The following LONP2 variants were observed in gnomAD, a reference collection of about 807,000 sequenced individuals.
LONP2 encodes lon peptidase 2, peroxisomal.
Under a neutral mutation model 85.6 loss-of-function variants are expected in LONP2, and 60 were observed. The observed-to-expected ratio is 0.70, with a 90% CI of 0.57 to 0.87. The LOEUF is 0.87. Ranked by LOEUF, LONP2 falls within the 40% of genes least tolerant of loss-of-function variation. The pLI, the probability that LONP2 is intolerant of heterozygous loss-of-function variation, is 0.00. For synonymous variants in LONP2, 395 were observed against 389.7 expected, an observed-to-expected ratio of 1.01 and a Z score of -0.16; for missense variants, 860 against 1,063.5, an observed-to-expected ratio of 0.81 and a Z score of 2.66.
chr16:48,287,924 C>G (rs897959655), intron 8 of LONP2, among the ~76,000 whole-genome samples: 2 of 152,072 alleles, frequency 1.3e-5, no homozygotes, highest in Non-Finnish European at 2.9e-5. Context: ...AGTGCTTCCT[C>G]CCCCATTTCA....
At chr16:48,331,808 C>T (rs1266629414) in intron 11 of LONP2, among the ~76,000 whole-genome samples, 4 of 152,226 alleles carry the variant, frequency 2.6e-5, no homozygotes, top group South Asian at 2.1e-4. Context: ...TCGTGATCCA[C>T]GCGCCTCGGC....
At chr16:48,357,657 C>A (rs1056207533), downstream of LONP2, among the ~76,000 whole-genome samples, 3 of 152,172 alleles carry the variant, frequency 2.0e-5, no homozygotes, top group Non-Finnish European at 4.4e-5. Flanking sequence ...CTTACCAATT[C>A]TTCTAATCAG....
At chr16:48,347,756 C>T (rs749887204) in intron 13 of LONP2, 42 bp downstream of exon 13, 12 of 1,561,028 alleles carry the variant, frequency 7.7e-6, no homozygotes, top group African/African-American at 2.7e-5. Context: ...ACCCAGGAGG[C>T]GGTACCTTCC....
chr16:48,329,136 C>T (rs917388470), intron 11 of LONP2, among the ~76,000 whole-genome samples: 2 of 152,170 alleles, frequency 1.3e-5, no homozygotes, highest in African/African-American at 4.8e-5. Flanking sequence ...TCATTTCATT[C>T]ATATGATAAA....
intron 12 of LONP2, chr16:48,334,759 G>T: frequency 1.8e-6 from 1 of 553,178 alleles, no homozygotes; most frequent in South Asian, 1.4e-5. Context: ...TGCCCTACCT[G>T]TCTTGAATTT....
intron 10 of LONP2, among the ~76,000 whole-genome samples, chr16:48,300,493 A>G (rs1972780883): frequency 6.6e-6 from 1 of 152,244 alleles, no homozygotes; most frequent in South Asian, 2.1e-4. Context: ...GCTCAGTATT[A>G]CAGATCCATT....
intron 11 of LONP2, among the ~76,000 whole-genome samples, chr16:48,324,295 C>A (rs921223239): frequency 6.6e-6 from 1 of 152,160 alleles, no homozygotes; most frequent in Non-Finnish European, 1.5e-5. Context: ...ATAACCACAA[C>A]CATATGTGTC....
chr16:48,262,904 C>T, intron 6 of LONP2, 32 bp downstream of exon 6: 1 of 1,322,702 alleles, frequency 7.6e-7, no homozygotes, highest in Non-Finnish European at 1.1e-6. Flanking sequence ...GTTTTGCAGT[C>T]TAATTGTCAC....
At chr16:48,343,669 G>T (rs555507948) in intron 12 of LONP2, 23 of 152,132 alleles carry the variant, frequency 1.5e-4, no homozygotes, top group African/African-American at 5.5e-4. Flanking sequence ...TTGCACTCCA[G>T]CCTGGGTGAC....
chr16:48,290,677 T>G (rs1017071456), intron 8 of LONP2, among the ~76,000 whole-genome samples: 3 of 152,212 alleles, frequency 2.0e-5, no homozygotes, highest in Non-Finnish European at 2.9e-5. Context: ...CCCAGTGAAG[T>G]CAGGGTCCAC....
chr16:48,359,623 G>GTCT (rs1960499467), downstream of LONP2, among the ~76,000 whole-genome samples: 1 of 152,096 alleles, frequency 6.6e-6, no homozygotes, highest in South Asian at 2.1e-4. Context: ...GGCTGAGGAA[G>GTCT]GAGAATCGCT....
At chr16:48,276,330 A>G (rs1972207050) in intron 7 of LONP2, among the ~76,000 whole-genome samples, 1 of 152,198 alleles carries the variant, frequency 6.6e-6, no homozygotes, top group South Asian at 2.1e-4. Context: ...TGTGGCAGAA[A>G]TCAGGCCTGC....
At chr16:48,264,095 C>T (rs1291934111) in intron 6 of LONP2, among the ~76,000 whole-genome samples, 1 of 152,200 alleles carries the variant, frequency 6.6e-6, no homozygotes, top group Non-Finnish European at 1.5e-5. Context: ...GGCGAGATCA[C>T]AGGACCACAG....
At chr16:48,360,667 CAATA>C (rs1960547296), downstream of LONP2, 2 of 152,588 alleles carry the variant, frequency 1.3e-5, no homozygotes, top group Admixed American at 1.3e-4. Flanking sequence ...TCTGCAAAAC[CAATA>C]AATACAAGAA....
intron 11 of LONP2, among the ~76,000 whole-genome samples, chr16:48,323,124 A>G (rs1014081203): frequency 3.3e-5 from 5 of 152,212 alleles, no homozygotes; most frequent in African/African-American, 9.6e-5. Context: ...TAGATAAACA[A>G]TTTTTAAGTG....
chr16:48,340,324 A>G (rs1352457641), intron 12 of LONP2, among the ~76,000 whole-genome samples: 1 of 152,200 alleles, frequency 6.6e-6, no homozygotes, highest in Non-Finnish European at 1.5e-5. Flanking sequence ...TACCCACTGC[A>G]TTGCCCAGTA....
chr16:48,334,069 A>G (rs551955697), intron 11 of LONP2, 147 bp from the exon 12 acceptor site: 1 of 680,758 alleles, frequency 1.5e-6, no homozygotes, highest in South Asian at 2.0e-5. Context: ...CATTCCACAG[A>G]TACACAGGTG....
chr16:48,282,410 C>CAA (rs773913986), intron 8 of LONP2, among the ~76,000 whole-genome samples: 5 of 83,806 alleles, frequency 6.0e-5, no homozygotes, highest in East Asian at 4.6e-4. Context: ...GACTCTGTCT[C>CAA]AAAAAAAAAA....
At chr16:48,303,538 G>A (rs1417998649) in intron 11 of LONP2, among the ~76,000 whole-genome samples, 1 of 152,162 alleles carries the variant, frequency 6.6e-6, no homozygotes, top group African/African-American at 2.4e-5. Context: ...ATGCTTTGAG[G>A]ATATAGGAAC....
Sources: allele counts gnomAD v4.1 joint callset (sites outside exome capture counted in the v4.1 genomes callset), GRCh38; gene constraint gnomAD v4.1.1; transcripts MANE v1.5; gene names NCBI Gene and HGNC (gene_info 2026-07-23, HGNC 2026-07-21).